Variants in OGA observed in about 807,000 individuals in gnomAD.
OGA encodes O-GlcNAcase.
In OGA, 21 loss-of-function variants were observed where a neutral mutation model predicts 102.0. That is an observed-to-expected ratio of 0.21 (90% CI 0.15 to 0.30). OGA has a LOEUF of 0.30. OGA is among the 10% of genes least tolerant of loss of function. The pLI, the probability that OGA is intolerant of heterozygous loss-of-function variation, is 1.00. For synonymous variants in OGA, 408 were observed against 378.2 expected (o/e 1.08, Z -0.91); for missense variants, 765 against 1,107.8 (o/e 0.69, Z 4.39).
intron 4 of OGA, among the ~76,000 whole-genome samples, chr10:101,808,632 A>G (rs1182474335): frequency 6.6e-6 from 1 of 152,188 alleles, no homozygotes; most frequent in Non-Finnish European, 1.5e-5. Context: ...ATCTTTGCCT[A>G]AAGAAATAAG....
chr10:101,817,974 G>A lies in OGA; in HGVS notation c.49C>T (p.Leu17Phe). 1 of 1,604,912 alleles carries A rather than the reference G, an allele frequency of 6.2e-7. No individual in the cohort carries two copies. Residue 17 changes from leucine to phenylalanine, a missense_variant, in exon 1 of 16, where the codon CTC becomes TTC. Transcript: ENST00000361464. ...GCAGAGGCGGCAGGGTTGGAGCTGAGCTCGCTCTCCCGCTCCTCCAACGTC... is the reference window on the plus strand; with the variant it reads ...GCAGAGGCGGCAGGGTTGGAGCTGAACTCGCTCTCCCGCTCCTCCAACGTC... Reference protein sequence around the residue: ...QATLEERESELSSNPAASAGA... With the variant: ...QATLEERESEFSSNPAASAGA...
chr10:101,803,131 A>C (rs970992523), intron 7 of OGA, among the ~76,000 whole-genome samples: 1 of 149,536 alleles, frequency 6.7e-6, no homozygotes, highest in African/African-American at 2.5e-5. Flanking sequence ...ATGGAGCAAA[A>C]CTCCATCTCA....
At chr10:101,813,168 A>G (rs3758557) in intron 2 of OGA, 41 bp from the exon 3 acceptor site, 70,497 of 1,277,596 alleles carry the variant, frequency 0.055, 2,130 homozygotes, top group African/African-American at 0.068. Flanking sequence ...AACAGGCAAC[A>G]TTCATAGGCT....
chr10:101,816,752 G>A (rs2065631326), intron 1 of OGA, among the ~76,000 whole-genome samples: 2 of 152,018 alleles, frequency 1.3e-5, no homozygotes, highest in Non-Finnish European at 2.9e-5. Context: ...AAAGTAGCCT[G>A]TTATGGTCTG....
chr10:101,817,819 C>T lies in OGA; in HGVS notation c.199+5G>A. The T allele has an allele frequency of 6.5e-7, 1 of 1,537,508 alleles. No homozygotes were observed. Among genetic ancestry groups the T allele is most frequent in the Non-Finnish European group, 8.7e-7 (1 of 1,146,458 alleles). ...CCAAAACGGGGAGGGAAGGAGGGCG[C>T]TCACCTTCCACCACACCGCAGAGGA... On this transcript the variant is annotated splice_donor_5th_base_variant and intron_variant, in intron 1 of 15. Coordinates refer to ENST00000361464, the MANE Select transcript of OGA (RefSeq NM_012215.5).
intron 3 of OGA, chr10:101,812,745 A>T: frequency 2.0e-6 from 1 of 492,562 alleles, no homozygotes; most frequent in East Asian, 4.7e-5. Flanking sequence ...TTCTTTGCCC[A>T]GTGGCCCACT....
chr10:101,793,237 TC>T (rs1336718156), intron 11 of OGA, among the ~76,000 whole-genome samples: 4 of 152,082 alleles, frequency 2.6e-5, no homozygotes, highest in Middle Eastern at 3.2e-3. Context: ...TTATGACAAA[TC>T]TATTTTTTTT....
At chr10:101,787,596 C>A in intron 14 of OGA, 73 bp from the exon 15 acceptor site, 1 of 1,276,066 alleles carries the variant, frequency 7.8e-7, no homozygotes, top group South Asian at 1.4e-5. Flanking sequence ...CAGAACTTAG[C>A]AACAAGAAAG....
chr10:101,796,310 G>A (rs1227242974), intron 10 of OGA, among the ~76,000 whole-genome samples: 6 of 152,092 alleles, frequency 3.9e-5, no homozygotes, highest in South Asian at 4.1e-4. Context: ...CACCCAGGCT[G>A]GAGTGCAGTG....
At chr10:101,790,726 CTAAGAA>C (rs1297005826) in intron 14 of OGA, among the ~76,000 whole-genome samples, 164 bp downstream of exon 14, 1 of 152,078 alleles carries the variant, frequency 6.6e-6, no homozygotes, top group Non-Finnish European at 1.5e-5. Context: ...AAATGTCATG[CTAAGAA>C]TAAGCCATAA....
chr10:101,807,234 G>A (rs2065488457), intron 5 of OGA, among the ~76,000 whole-genome samples: 1 of 152,102 alleles, frequency 6.6e-6, no homozygotes, highest in Non-Finnish European at 1.5e-5. Flanking sequence ...GCAACTAAGA[G>A]ACTAAAATAT....
intron 4 of OGA, among the ~76,000 whole-genome samples, chr10:101,809,388 T>A (rs2065519247): frequency 6.6e-6 from 1 of 152,294 alleles, no homozygotes; most frequent in East Asian, 1.9e-4. Context: ...CCAGTAAAGC[T>A]CTTTTTACTT....
Position 101,803,919 on chromosome 10 carries a change from A to G in OGA, c.852T>C (p.Asn284=). Residue 284 remains asparagine, a synonymous_variant, in exon 7 of 16, where the codon AAT becomes AAC. Coordinates refer to ENST00000361464, the MANE Select transcript of OGA (RefSeq NM_012215.5). Reference sequence around the variant, plus strand: ...GAAACAGTCTCTTCTGATCATAATCATTAGCATGAATGTTATCCCAGATTA... The same window carrying G: ...GAAACAGTCTCTTCTGATCATAATCGTTAGCATGAATGTTATCCCAGATTA... ...APVIWDNIHA[N]DYDQKRLFLG... is the part of the protein sequence containing the mutation. The G allele has an allele frequency of 6.2e-7, 1 of 1,614,166 alleles. No individual in the cohort carries two copies. The highest frequency in any genetic ancestry group is 8.5e-7 in the Non-Finnish European group (1 of 1,179,988).
chr10:101,794,723 C>T (rs575164737), intron 10 of OGA, among the ~76,000 whole-genome samples: 10 of 152,302 alleles, frequency 6.6e-5, no homozygotes, highest in Non-Finnish European at 1.5e-4. Flanking sequence ...TTGCAATACA[C>T]TGAACATACA....
intron 4 of OGA, among the ~76,000 whole-genome samples, chr10:101,808,586 A>G (rs892182885): frequency 2.0e-5 from 3 of 152,228 alleles, no homozygotes; most frequent in African/African-American, 4.8e-5. Flanking sequence ...AACTGCCTTA[A>G]ATTTTTTACC....
chr10:101,794,121 G>A (rs566037111), intron 10 of OGA, 123 bp from the exon 11 acceptor site: 11 of 637,126 alleles, frequency 1.7e-5, no homozygotes, highest in Non-Finnish European at 3.1e-5. Flanking sequence ...AGGGTTTCAG[G>A]GCAAGGCTAT....
intron 9 of OGA, among the ~76,000 whole-genome samples, chr10:101,798,482 C>G (rs919376050): frequency 6.7e-6 from 1 of 150,264 alleles, no homozygotes; most frequent in Non-Finnish European, 1.5e-5. Context: ...ACGATCTCAG[C>G]TCACTGCAAA....
At position 101,806,121 on chromosome 10, in the gene OGA, A is replaced by G. The variant is rs983822697; in HGVS notation, c.675T>C (p.Tyr225=). 4.4e-6 allele frequency: 7 copies of G among 1,609,120 alleles called. No individual in the cohort carries two copies. Among genetic ancestry groups the G allele is most frequent in the African/African-American group, 4.0e-5 (3 of 74,842 alleles). The change falls in exon 6 of 16, where the codon TAT becomes TAC. Residue 225 remains tyrosine (Y), a synonymous_variant. Coordinates refer to ENST00000361464, the MANE Select transcript of OGA (RefSeq NM_012215.5). ...CPTEYCGTFC[Y]PNVSQSPYLR... ...AATATGGAGACTGAGACACATTTGG[A>G]TAACAGAAAGTGCCACAGTATTCTA...
chr10:101,803,157 A>C (rs1403967533), intron 7 of OGA, among the ~76,000 whole-genome samples: 2 of 150,914 alleles, frequency 1.3e-5, no homozygotes, highest in Non-Finnish European at 3.0e-5. Context: ...AAAAAAAAAG[A>C]GTATGTTCCA....
Sources: allele counts gnomAD v4.1 joint callset (sites outside exome capture counted in the v4.1 genomes callset), GRCh38; gene constraint gnomAD v4.1.1; transcripts MANE v1.5; gene names NCBI Gene and HGNC (gene_info 2026-07-23, HGNC 2026-07-21).